Variants in SPAG9 observed in about 807,000 individuals in gnomAD.
SPAG9 encodes C-Jun-amino-terminal kinase-interacting protein 4.
In SPAG9, 35 loss-of-function variants were observed where a neutral mutation model predicts 166.5. The observed-to-expected ratio is 0.21, with a 90% CI of 0.16 to 0.28. The LOEUF (loss-of-function observed/expected upper bound fraction) is 0.28. SPAG9 is among the 10% of genes least tolerant of loss of function. The pLI is 1.00. For synonymous variants in SPAG9, 534 were observed against 565.5 expected (o/e 0.94, Z 0.79); for missense variants, 1,235 against 1,603.3 (o/e 0.77, Z 3.92).
At position 51,060,301 on chromosome 17, in the gene SPAG9, G is replaced by A. The variant is rs370661253; in HGVS notation, c.425-3819C>T. Reference sequence around the variant, plus strand: ...AGGTGGATTACCTGGGCAAGAGTTCGAGACCAGCCTGGCCAACATGGTGAA... The same window carrying A: ...AGGTGGATTACCTGGGCAAGAGTTCAAGACCAGCCTGGCCAACATGGTGAA... On this transcript the variant is annotated intron_variant, in intron 2 of 29. Transcript: ENST00000262013. Among the ~76,000 whole-genome samples the A allele has an allele frequency of 1.4e-4, 22 of 151,930 alleles. 2 individuals carry two copies. The South Asian group carries it at 2.9e-3, about 20-fold the overall frequency.
Position 51,120,449 on chromosome 17 carries a change from C to T in SPAG9, c.208G>A (p.Glu70Lys), listed in dbSNP as rs760011583. ...NLDSVFAQDQ[E>K]HQVELELLRD... ...AGCAGCTCCAGCTCCACCTGGTGCT[C>T]CTGGTCCTGCGCGAACACCGAGTCC... Residue 70 changes from glutamate to lysine, a missense_variant, in exon 1 of 30, where the codon GAG becomes AAG. Around this residue, in one of 6 missense-constraint regions of SPAG9, gnomAD observed 83 missense variants for 149.8 expected, o/e 0.55. Transcript: ENST00000262013. The surrounding 1 kb of genome is among the most constrained non-coding windows in gnomAD (Gnocchi z 4.7). 5 of 1,613,678 alleles carry T rather than the reference C, an allele frequency of 3.1e-6. No homozygotes were observed. Among genetic ancestry groups the T allele is most frequent in the Non-Finnish European group, 4.2e-6 (5 of 1,179,830 alleles).
chr17:51,092,742 T>C (rs369674354), intron 1 of SPAG9, among the ~76,000 whole-genome samples: 1 of 147,270 alleles, frequency 6.8e-6, no homozygotes, highest in African/African-American at 2.5e-5. Context: ...AGAGAGACCC[T>C]TGTCTCTACA....
At chr17:51,104,692 G>C (rs967643126) in intron 1 of SPAG9, among the ~76,000 whole-genome samples, 5 of 152,024 alleles carry the variant, frequency 3.3e-5, no homozygotes, top group Admixed American at 3.3e-4. Context: ...CCAGCACTTT[G>C]GAAGGCCGAG....
At chr17:51,053,362 A>G (rs2047234002) in intron 3 of SPAG9, among the ~76,000 whole-genome samples, 2 of 152,024 alleles carry the variant, frequency 1.3e-5, no homozygotes, top group African/African-American at 4.8e-5. Context: ...TATCTCTACA[A>G]AAAATAAAAA....
At chr17:51,009,727 C>T (rs1490646143) in intron 9 of SPAG9, among the ~76,000 whole-genome samples, 7 of 152,052 alleles carry the variant, frequency 4.6e-5, no homozygotes, top group African/African-American at 1.7e-4. Context: ...GAAAACACTA[C>T]AAAAAGTCAT....
chr17:51,087,029 G>A (rs948357870), intron 1 of SPAG9, among the ~76,000 whole-genome samples: 1 of 152,178 alleles, frequency 6.6e-6, no homozygotes, highest in Middle Eastern at 3.4e-3. Context: ...GCTTACACAG[G>A]GCACTGAAAG....
At chr17:51,013,675 T>C (rs2045581157) in intron 9 of SPAG9, among the ~76,000 whole-genome samples, 1 of 152,166 alleles carries the variant, frequency 6.6e-6, no homozygotes, top group African/African-American at 2.4e-5. Flanking sequence ...AGCAGGCAAA[T>C]AGTCTAAGAG....
chr17:50,978,943 G>C (rs140102136), intron 26 of SPAG9, among the ~76,000 whole-genome samples: 3 of 152,284 alleles, frequency 2.0e-5, no homozygotes, highest in Non-Finnish European at 4.4e-5. Flanking sequence ...AGGCCTGGGG[G>C]TAAAAGGATA....
intron 4 of SPAG9, among the ~76,000 whole-genome samples, chr17:51,045,765 G>GT (rs2046996168): frequency 6.6e-6 from 1 of 152,140 alleles, no homozygotes; most frequent in South Asian, 2.1e-4. Context: ...CTTACAGGGT[G>GT]TAAGTAGAGT....
intron 6 of SPAG9, among the ~76,000 whole-genome samples, chr17:51,028,820 G>A (rs1432904349): frequency 6.6e-6 from 1 of 152,130 alleles, no homozygotes; most frequent in African/African-American, 2.4e-5. Flanking sequence ...TTCAATCTGT[G>A]GCTTCTTGAC....
intron 1 of SPAG9, among the ~76,000 whole-genome samples, chr17:51,118,457 GC>G (rs1229099967): frequency 1.3e-5 from 2 of 152,164 alleles, no homozygotes; most frequent in Admixed American, 1.3e-4. Context: ...CTGGCATTTT[GC>G]CCATATTTAC....
At position 51,072,989 on chromosome 17, in the gene SPAG9, A is replaced by G. The variant is rs530291300; in HGVS notation, c.424+6595T>C. ...GCAGATTGTTGAGCCTAGGAGTTTG[A>G]GACCAGCCTAGGCAACATGGCAAAA... On this transcript the variant is annotated intron_variant, in intron 2 of 29. Transcript: ENST00000262013. 5.9e-5 allele frequency among the ~76,000 whole-genome samples: 9 copies of G among 152,242 alleles called. No homozygotes were observed. In the South Asian group the frequency reaches 1.5e-3, roughly 25 times the overall value.
intron 2 of SPAG9, among the ~76,000 whole-genome samples, chr17:51,075,363 A>G (rs562260889): frequency 3.3e-5 from 5 of 152,164 alleles, no homozygotes; most frequent in Admixed American, 3.3e-4. Flanking sequence ...TACTTTTGGG[A>G]AAAAAAGAAG....
At chr17:51,019,083 A>G (rs189658559) in intron 8 of SPAG9, among the ~76,000 whole-genome samples, 3 of 152,310 alleles carry the variant, frequency 2.0e-5, no homozygotes, top group African/African-American at 7.2e-5. Context: ...GGCTTTATCC[A>G]GTGTTCAGGG....
Position 51,020,274 on chromosome 17 carries a change from G to C in SPAG9, c.992-16C>G. ...TCAGCAGAGCCTTAAAAAAGGACAT[G>C]ATGAAATAAACAATACATATATTAC... is the stretch of plus-strand genomic sequence containing the variant. On this transcript the variant is annotated splice_polypyrimidine_tract_variant and intron_variant, in intron 7 of 29. Transcript: ENST00000262013. 2 of 1,558,354 alleles carry C rather than the reference G, an allele frequency of 1.3e-6. No individual in the cohort carries two copies. Among genetic ancestry groups the C allele is most frequent in the East Asian group, 4.5e-5 (2 of 44,486 alleles).
At position 51,026,674 on chromosome 17, in the gene SPAG9, C is replaced by CTTT. The variant is rs35339612; in HGVS notation, c.783+5004_783+5006dup. 2.5e-4 allele frequency among the ~76,000 whole-genome samples: 31 copies of CTTT among 124,192 alleles called. 1 individual carries two copies. The South Asian group carries it at 2.6e-3, about 10-fold the overall frequency. 81.5% of individuals were successfully genotyped at this position (124,192 alleles called of 152,430 possible). A position where few individuals can be genotyped will look rare whatever the true frequency, so the allele number is the denominator to read the frequency against. ...GGTTGAGCCCTTTTCTTTTTCTTTT[C>CTTT]TTTTTTTTTTTTTTTTTTGAGACGA... On this transcript the variant is annotated intron_variant, in intron 6 of 29. Transcript: ENST00000262013.
At chr17:51,034,681 G>A (rs960039498) in intron 5 of SPAG9, among the ~76,000 whole-genome samples, 1 of 152,126 alleles carries the variant, frequency 6.6e-6, no homozygotes, top group Non-Finnish European at 1.5e-5. Flanking sequence ...AATGTAGAAT[G>A]AAGAAAATAG....
rs1432827581 is a variant in SPAG9, at chr17:50,970,967, T to C, written c.3701-111A>G. ...AAACAAAAAGGTAAATATATTCTAA[T>C]AACCAAATACTGGGGAAGCTAGAAG... is the stretch of plus-strand genomic sequence containing the variant. On this transcript the variant is annotated intron_variant, in intron 28 of 29. Transcript: ENST00000262013. 6 of 847,178 alleles carry C rather than the reference T, an allele frequency of 7.1e-6. No homozygotes were observed. In the East Asian group the frequency reaches 1.3e-4, roughly 19 times the overall value. The allele number at this position is 847,178 out of a possible 1,614,324, so 52.5% of individuals were successfully genotyped here.
At chr17:50,980,134 T>C (rs1049551807) in intron 25 of SPAG9, among the ~76,000 whole-genome samples, 3 of 152,168 alleles carry the variant, frequency 2.0e-5, no homozygotes, top group African/African-American at 7.2e-5. Flanking sequence ...ATATAGGATA[T>C]CACCTTATAA....
Sources: allele counts gnomAD v4.1 joint callset (sites outside exome capture counted in the v4.1 genomes callset), GRCh38; gene constraint gnomAD v4.1.1; regional missense constraint gnomAD v4.1.1; non-coding constraint Gnocchi (gnomAD v3.1); transcripts MANE v1.5; gene names NCBI Gene and HGNC (gene_info 2026-07-23, HGNC 2026-07-21).